Variants in ADGRL2 observed in about 807,000 individuals in gnomAD.
ADGRL2 encodes calcium-independent alpha-latrotoxin receptor 2.
Under a neutral mutation model 157.4 loss-of-function variants are expected in ADGRL2, and 44 were observed. The observed-to-expected ratio is 0.28, with a 90% CI of 0.22 to 0.36. The LOEUF (loss-of-function observed/expected upper bound fraction) is 0.36. ADGRL2 is among the 10% of genes least tolerant of loss of function. The pLI, the probability that ADGRL2 is intolerant of heterozygous loss-of-function variation, is 1.00. For missense variants in ADGRL2, 1,510 were observed against 1,768.9 expected, an observed-to-expected ratio of 0.85 and a Z score of 2.63; for synonymous variants, 585 against 624.7, an observed-to-expected ratio of 0.94 and a Z score of 0.95.
intron 3 of ADGRL2, among the ~76,000 whole-genome samples, chr1:81,676,309 T>G (rs2082988599): frequency 6.7e-6 from 1 of 149,788 alleles, no homozygotes; most frequent in Non-Finnish European, 1.5e-5. Context: ...GCGCCCGGCC[T>G]GTTTTGTTTT....
At chr1:81,740,914 T>C (rs1474669228) in intron 1 of ADGRL2, among the ~76,000 whole-genome samples, 3 of 150,988 alleles carry the variant, frequency 2.0e-5, no homozygotes, top group African/African-American at 7.3e-5. Flanking sequence ...AAAAGCAGAG[T>C]GATGGATTAT....
intron 1 of ADGRL2, among the ~76,000 whole-genome samples, chr1:81,308,534 CTGAGGATAGA>C (rs1349299686): frequency 6.6e-6 from 1 of 152,082 alleles, no homozygotes. Flanking sequence ...AGCAGTCAAG[CTGAGGATAGA>C]TATAAAAAGT....
At chr1:81,721,346 A>C (rs536568611) in intron 1 of ADGRL2, among the ~76,000 whole-genome samples, 1 of 152,172 alleles carries the variant, frequency 6.6e-6, no homozygotes, top group South Asian at 2.1e-4. Flanking sequence ...CACTGCTTTT[A>C]GTTCATTCAC....
chr1:81,519,254 T>A (rs533269360), intron 2 of ADGRL2, among the ~76,000 whole-genome samples: 38 of 152,336 alleles, frequency 2.5e-4, no homozygotes, highest in Non-Finnish European at 3.1e-4. Context: ...TCTGTTTATG[T>A]GTATTCCTGA....
chr1:81,985,840 G>A (rs1663000967), intron 21 of ADGRL2, among the ~76,000 whole-genome samples: 1 of 151,882 alleles, frequency 6.6e-6, no homozygotes, highest in South Asian at 2.1e-4. Flanking sequence ...TTAGAAAAGA[G>A]TATATGCACA....
intron 3 of ADGRL2, among the ~76,000 whole-genome samples, chr1:81,636,004 T>C (rs1369742597): frequency 2.0e-5 from 3 of 152,146 alleles, no homozygotes; most frequent in African/African-American, 7.2e-5. Context: ...AGACACAACA[T>C]TGTAAGAATT....
At chr1:81,484,588 C>G (rs932246137) in intron 2 of ADGRL2, among the ~76,000 whole-genome samples, 1 of 152,102 alleles carries the variant, frequency 6.6e-6, no homozygotes, top group African/African-American at 2.4e-5. Flanking sequence ...TGATGTGGTT[C>G]AATTTTATTA....
At chr1:81,690,425 G>A (rs1475148429) in intron 3 of ADGRL2, among the ~76,000 whole-genome samples, 1 of 152,166 alleles carries the variant, frequency 6.6e-6, no homozygotes, top group Non-Finnish European at 1.5e-5. Flanking sequence ...GAACCCCGGA[G>A]GTGGAGATTG....
At chr1:81,795,502 CATT>C (rs1373073379), upstream of ADGRL2, among the ~76,000 whole-genome samples, 2 of 151,910 alleles carry the variant, frequency 1.3e-5, no homozygotes, top group Non-Finnish European at 2.9e-5. Context: ...TGTATGAAAA[CATT>C]ATAAGTGTTA....
At chr1:81,881,370 G>T (rs1341451286) in intron 2 of ADGRL2, among the ~76,000 whole-genome samples, 1 of 152,100 alleles carries the variant, frequency 6.6e-6, no homozygotes, top group Non-Finnish European at 1.5e-5. Flanking sequence ...TAGAAACGGG[G>T]TTTCACCATG....
intron 3 of ADGRL2, among the ~76,000 whole-genome samples, chr1:81,662,835 G>A (rs1004375195): frequency 7.9e-5 from 12 of 152,114 alleles, no homozygotes; most frequent in East Asian, 1.9e-4. Flanking sequence ...GATTACAGGC[G>A]TGAGCCACCA....
intron 1 of ADGRL2, among the ~76,000 whole-genome samples, chr1:81,749,084 G>A (rs1362719841): frequency 6.6e-6 from 1 of 152,070 alleles, no homozygotes; most frequent in African/African-American, 2.4e-5. Context: ...ATAATGTAAT[G>A]CACATGGAAA....
At chr1:81,981,341 G>GTT (rs2149444044) in intron 18 of ADGRL2, among the ~76,000 whole-genome samples, 1 of 151,836 alleles carries the variant, frequency 6.6e-6, no homozygotes, top group East Asian at 1.9e-4. Flanking sequence ...AAAACCTTAG[G>GTT]TTCACCTAAG....
intron 2 of ADGRL2, among the ~76,000 whole-genome samples, chr1:81,840,470 T>TA (rs2092525923): frequency 6.6e-6 from 1 of 152,164 alleles, no homozygotes; most frequent in Non-Finnish European, 1.5e-5. Flanking sequence ...CATAAGGACT[T>TA]ACTCTGTGTT....
intron 2 of ADGRL2, among the ~76,000 whole-genome samples, chr1:81,533,113 T>TA (rs2079645244): frequency 6.6e-6 from 1 of 152,140 alleles, no homozygotes; most frequent in African/African-American, 2.4e-5. Flanking sequence ...GTGTGGTGGC[T>TA]CACACCTGTA....
rs145733161 is a variant in ADGRL2 at position 81,622,513 on chromosome 1, G to A, written c.-143+41533G>A. On this transcript the variant is annotated intron_variant, in intron 3 of 24. Coordinates refer to the ADGRL2 transcript ENST00000370721. ...GGAGAATCGCTTGAACCTGGGAGGC[G>A]GAAGTTTCAGTGAGCCAAGATCGTG... 1.9e-3 allele frequency among the ~76,000 whole-genome samples: 283 copies of A among 152,248 alleles called. 9 individuals carry two copies. The East Asian group carries it at 0.045, about 24-fold the overall frequency.
intron 2 of ADGRL2, among the ~76,000 whole-genome samples, chr1:81,472,217 T>C (rs760385472): frequency 2.0e-4 from 30 of 152,228 alleles, no homozygotes; most frequent in African/African-American, 4.8e-4. Context: ...ATGATTTTTT[T>C]CCCCCAGTTC....
At chr1:81,627,199 T>A (rs974920140) in intron 3 of ADGRL2, among the ~76,000 whole-genome samples, 1 of 152,136 alleles carries the variant, frequency 6.6e-6, no homozygotes, top group Non-Finnish European at 1.5e-5. Flanking sequence ...TAAAGGCCCA[T>A]GAACATTTTC....
At chr1:81,969,461 C>G (rs1658097583) in intron 15 of ADGRL2, 74 bp downstream of exon 15, 1 of 947,104 alleles carries the variant, frequency 1.1e-6, no homozygotes, top group Admixed American at 2.0e-5. Flanking sequence ...ACATATGATA[C>G]TGATATTAAT....
Sources: allele counts gnomAD v4.1 joint callset (sites outside exome capture counted in the v4.1 genomes callset), GRCh38; gene constraint gnomAD v4.1.1; transcripts MANE v1.5; gene names NCBI Gene and HGNC (gene_info 2026-07-23, HGNC 2026-07-21).